The following BCL7A variants were observed in gnomAD, a reference collection of about 807,000 sequenced individuals.
BCL7A encodes BAF chromatin remodeling complex subunit BCL7A.
In BCL7A, 11 loss-of-function variants were observed where a neutral mutation model predicts 28.4. The observed-to-expected ratio is 0.39, with a 90% confidence interval of 0.24 to 0.64. The LOEUF (loss-of-function observed/expected upper bound fraction) is 0.64. BCL7A is among the 30% of genes least tolerant of loss of function. The pLI is 0.50. For missense variants in BCL7A, 222 were observed against 274.8 expected (o/e 0.81, Z 1.36); for synonymous variants, 123 against 103.3 (o/e 1.19, Z -1.15).
intron 4 of BCL7A, among the ~76,000 whole-genome samples, chr12:122,053,878 C>G (rs982642015): frequency 3.9e-5 from 6 of 152,100 alleles, no homozygotes; most frequent in Non-Finnish European, 8.8e-5. Flanking sequence ...AAGAATTCCT[C>G]CGAAATACCA....
chr12:122,053,197 T>G (rs528914081), intron 4 of BCL7A, among the ~76,000 whole-genome samples: 1 of 152,230 alleles, frequency 6.6e-6, no homozygotes, highest in Non-Finnish European at 1.5e-5. Flanking sequence ...GGTTTCACCA[T>G]GTTGGCCAGG....
chr12:122,053,021 A>G (rs1194981704), intron 4 of BCL7A, among the ~76,000 whole-genome samples: 1 of 150,548 alleles, frequency 6.6e-6, no homozygotes, highest in Non-Finnish European at 1.5e-5. Context: ...TTTTTGAGAC[A>G]GTCTTACTCT....
chr12:122,039,337 A>G (rs995427049), intron 3 of BCL7A, among the ~76,000 whole-genome samples: 1 of 148,406 alleles, frequency 6.7e-6, no homozygotes, highest in African/African-American at 2.5e-5. Context: ...ATAATAATAA[A>G]TTTAAATTAG....
intron 4 of BCL7A, among the ~76,000 whole-genome samples, chr12:122,047,627 T>C (rs1244834134): frequency 6.6e-6 from 1 of 151,066 alleles, no homozygotes; most frequent in Non-Finnish European, 1.5e-5. Context: ...TGGGCTCAGG[T>C]GATCCTCCTG....
intron 2 of BCL7A, among the ~76,000 whole-genome samples, chr12:122,033,069 G>A (rs1237478341): frequency 1.3e-5 from 2 of 151,500 alleles, no homozygotes; most frequent in East Asian, 1.9e-4. Context: ...TTTTAAATAG[G>A]TAAAATATGT....
In BCL7A at chr12:122,039,132, T is replaced by TA. The variant is rs544563582; in HGVS notation, c.271+3710dup. On this transcript the variant is annotated intron_variant, in intron 3 of 5. Transcript: ENST00000261822. ...TAACACGGTGAAACCCCATCTCTAC[T>TA]AAAAATACAAAAAAATTAGCCAGGC... Among the ~76,000 whole-genome samples, 689 of 151,558 alleles carry TA rather than the reference T, an allele frequency of 4.5e-3. 9 individuals carry two copies. Among genetic ancestry groups the TA allele is most frequent in the African/African-American group, 0.016 (659 of 41,284 alleles).
chr12:122,046,604 C>T (rs1033900623), intron 4 of BCL7A, among the ~76,000 whole-genome samples: 9 of 152,216 alleles, frequency 5.9e-5, no homozygotes, highest in African/African-American at 2.2e-4. Context: ...AGACTCTATC[C>T]AGCCCGTGGT....
chr12:122,060,064 G>A lies in BCL7A; in HGVS notation c.*901G>A. 4.3e-6 allele frequency: 1 copy of A among 233,270 alleles called. No individual in the cohort carries two copies. Among genetic ancestry groups the A allele is most frequent in the Non-Finnish European group, 8.5e-6 (1 of 117,838 alleles). 14.5% of individuals were successfully genotyped at this position (233,270 alleles called of 1,614,324 possible). On this transcript the variant is annotated 3_prime_UTR_variant, in exon 6 of 6. Transcript: ENST00000261822. ...TACGAAATGGCTTCTCTGGCTGACT[G>A]CAAGGCTGTCTCCTTAAGGCACTGA...
At chr12:122,024,220 T>C (rs1883557396) in intron 1 of BCL7A, among the ~76,000 whole-genome samples, 2 of 152,302 alleles carry the variant, frequency 1.3e-5, no homozygotes, top group East Asian at 1.9e-4. Flanking sequence ...ACCTCAGGCT[T>C]TGGGATCTCA....
chr12:122,026,136 A>G (rs1177774096), intron 1 of BCL7A, among the ~76,000 whole-genome samples: 1 of 151,272 alleles, frequency 6.6e-6, no homozygotes, highest in East Asian at 2.0e-4. Flanking sequence ...GAGTGGTGGC[A>G]GGCGCCTATA....
At chr12:122,048,368 ACCG>A (rs1884119504) in intron 4 of BCL7A, among the ~76,000 whole-genome samples, 1 of 152,108 alleles carries the variant, frequency 6.6e-6, no homozygotes, top group African/African-American at 2.4e-5. Context: ...GTTCATAGTC[ACCG>A]CTGTGATGGA....
At chr12:122,049,639 C>T (rs1161813297) in intron 4 of BCL7A, among the ~76,000 whole-genome samples, 2 of 152,132 alleles carry the variant, frequency 1.3e-5, no homozygotes, top group African/African-American at 2.4e-5. Context: ...ATGCCATTCT[C>T]CATATCAACT....
chr12:122,055,333 G>C (rs1055121236), intron 5 of BCL7A, among the ~76,000 whole-genome samples: 14 of 152,300 alleles, frequency 9.2e-5, no homozygotes, highest in Middle Eastern at 3.4e-3. Flanking sequence ...GGTGCTGCTG[G>C]CCCCACTTGC....
At chr12:122,025,408 A>G (rs913333113) in intron 1 of BCL7A, among the ~76,000 whole-genome samples, 1 of 150,942 alleles carries the variant, frequency 6.6e-6, no homozygotes, top group South Asian at 2.1e-4. Context: ...GCGGATCACG[A>G]GGTCAGGAGA....
At chr12:122,035,795 T>A (rs1184131745) in intron 3 of BCL7A, among the ~76,000 whole-genome samples, 2 of 152,232 alleles carry the variant, frequency 1.3e-5, no homozygotes, top group African/African-American at 2.4e-5. Flanking sequence ...TTTCCCATTT[T>A]GCTTTGGCTG....
rs1884010937 is a variant in BCL7A at position 122,043,877 on chromosome 12, C to A, written c.272-9C>A. On this transcript the variant is annotated splice_polypyrimidine_tract_variant and intron_variant, in intron 3 of 5. Transcript: ENST00000261822. ...TTTCATCCTGTGGTTCTGTTCCCAC[C>A]CCCTACAGACGATAACAGCAACCAG... is the stretch of plus-strand genomic sequence containing the variant. 6.2e-7 allele frequency: 1 copy of A among 1,607,192 alleles called. No individual in the cohort carries two copies. The highest frequency in any genetic ancestry group is 8.5e-7 in the Non-Finnish European group (1 of 1,176,652).
chr12:122,038,740 A>G (rs554392873), intron 3 of BCL7A, among the ~76,000 whole-genome samples: 10 of 152,162 alleles, frequency 6.6e-5, no homozygotes, highest in African/African-American at 1.9e-4. Flanking sequence ...CTCTCCCTGC[A>G]CCTTCCCCTG....
chr12:122,025,946 C>CAAAAAAAAA (rs1204623444), intron 1 of BCL7A, among the ~76,000 whole-genome samples: 4 of 108,190 alleles, frequency 3.7e-5, no homozygotes, highest in Non-Finnish European at 5.3e-5. Context: ...GACTCCATCT[C>CAAAAAAAAA]AAAAAAAAAA....
chr12:122,039,726 G>A (rs1007333303), intron 3 of BCL7A, among the ~76,000 whole-genome samples: 3 of 150,980 alleles, frequency 2.0e-5, no homozygotes, highest in Non-Finnish European at 2.9e-5. Context: ...GGTGGCACAC[G>A]CCTGTAATCC....
Sources: gnomAD v4.1 joint callset for allele counts (sites outside exome capture counted in the v4.1 genomes callset) on GRCh38, gnomAD v4.1.1 for gene constraint, MANE v1.5 for transcripts, NCBI Gene and HGNC (gene_info 2026-07-23, HGNC 2026-07-21) for gene names.